GABRG3: variants seen among roughly 807,000 people sequenced by gnomAD.
The protein encoded by GABRG3 is gamma-aminobutyric acid receptor subunit gamma-3.
Under a neutral mutation model 48.8 loss-of-function variants are expected in GABRG3, and 25 were observed. That is an observed-to-expected ratio of 0.51 (90% CI 0.37 to 0.72). The LOEUF (loss-of-function observed/expected upper bound fraction) is 0.72. GABRG3 is among the 30% of genes least tolerant of loss of function. The probability of loss-of-function intolerance (pLI) is 0.00; values close to 1 mark genes in which losing one functional copy is unlikely to be tolerated. For synonymous variants in GABRG3, 227 were observed against 217.6 expected (o/e 1.04, Z -0.38); for missense variants, 394 against 577.9 (o/e 0.68, Z 3.26).
chr15:27,366,091 C>T (rs754704767), intron 5 of GABRG3: 1 of 152,114 alleles, frequency 6.6e-6, no homozygotes, highest in Non-Finnish European at 1.5e-5. Context: ...ATCTGTAGTT[C>T]GTGGAAACAA....
At chr15:27,046,800 G>A (rs533011119) in intron 3 of GABRG3, among the ~76,000 whole-genome samples, 52 of 152,266 alleles carry the variant, frequency 3.4e-4, no homozygotes, top group South Asian at 1.0e-3. Context: ...TCATTTTGCC[G>A]TTGTCTTTCA....
At position 27,126,841 on chromosome 15, in the gene GABRG3, A is replaced by G. The variant is rs142001348; in HGVS notation, c.270+100020A>G. On this transcript the variant is annotated intron_variant, in intron 3 of 9. Transcript: ENST00000615808. Reference sequence around the variant, plus strand: ...TGACCCAAAACCTGAAATATGCAGCATTGGCTTCAGGTGACAGCGATGGTG... The same window carrying G: ...TGACCCAAAACCTGAAATATGCAGCGTTGGCTTCAGGTGACAGCGATGGTG... Among the ~76,000 whole-genome samples the G allele has an allele frequency of 3.0e-4, 45 of 152,266 alleles. No individual in the cohort carries two copies. The East Asian group carries it at 6.6e-3, about 22-fold the overall frequency.
At chr15:26,993,074 A>G (rs1284578620) in intron 2 of GABRG3, among the ~76,000 whole-genome samples, 1 of 151,864 alleles carries the variant, frequency 6.6e-6, no homozygotes. Flanking sequence ...CTTCATTTCC[A>G]ATGTTACTTA....
chr15:27,249,306 C>G (rs367611479), intron 3 of GABRG3, among the ~76,000 whole-genome samples: 1 of 152,128 alleles, frequency 6.6e-6, no homozygotes, highest in African/African-American at 2.4e-5. Flanking sequence ...CTGGGCACAT[C>G]CCCTGTTCCT....
At chr15:27,415,981 C>G (rs866261672) in intron 5 of GABRG3, among the ~76,000 whole-genome samples, 4 of 152,164 alleles carry the variant, frequency 2.6e-5, no homozygotes, top group African/African-American at 4.8e-5. Flanking sequence ...ACCATACCCC[C>G]CCTCTTTCTA....
intron 3 of GABRG3, among the ~76,000 whole-genome samples, chr15:27,193,031 G>C (rs1888375668): frequency 6.6e-6 from 1 of 152,194 alleles, no homozygotes; most frequent in African/African-American, 2.4e-5. Context: ...CAGAACAGTG[G>C]TTTTTCGTGA....
intron 3 of GABRG3, among the ~76,000 whole-genome samples, chr15:27,054,309 G>T (rs1469264629): frequency 6.6e-6 from 1 of 152,056 alleles, no homozygotes; most frequent in Admixed American, 6.5e-5. Flanking sequence ...TGCCTGTTGG[G>T]TTCTGTGCTC....
rs1555382047 is a variant in GABRG3 at position 27,437,030 on chromosome 15, A to AGC, written c.575-43619_575-43618insCG. Among the ~76,000 whole-genome samples, 215 of 146,802 alleles carry AGC rather than the reference A, an allele frequency of 1.5e-3. 4 individuals are homozygous for AGC. The South Asian group carries it at 0.037, about 26-fold the overall frequency. ...GAGAGAGAGAGAGAGAGAGAGAGAG[A>AGC]GAGCGCCCACATTCTCATGAGGACA... On this transcript the variant is annotated intron_variant, in intron 5 of 9. Transcript: ENST00000615808.
intron 3 of GABRG3, among the ~76,000 whole-genome samples, chr15:27,213,244 C>CTTCA (rs1171887896): frequency 3.3e-5 from 5 of 152,214 alleles, no homozygotes; most frequent in African/African-American, 7.2e-5. Flanking sequence ...TAGTGAGAGG[C>CTTCA]TTCACATAAT....
chr15:27,021,518 C>T lies in GABRG3; in HGVS notation c.203-5236C>T, dbSNP rs72715932. ...CCACTACTGTATGTTAAGTTAATTT[C>T]CCTAAAAGACCCCAGACACTTACTC... On this transcript the variant is annotated intron_variant, in intron 2 of 9. Coordinates refer to ENST00000615808, the MANE Select transcript of GABRG3 (RefSeq NM_033223.5). Among the ~76,000 whole-genome samples, 1,050 of 152,244 alleles carry T rather than the reference C, an allele frequency of 6.9e-3. 6 individuals carry two copies. The highest frequency in any genetic ancestry group is 0.011 in the Non-Finnish European group (728 of 68,014).
intron 3 of GABRG3, among the ~76,000 whole-genome samples, chr15:27,292,084 A>G (rs1317921272): frequency 6.6e-6 from 1 of 152,190 alleles, no homozygotes; most frequent in Non-Finnish European, 1.5e-5. Context: ...GATGGTTTCC[A>G]GCTTCATCCA....
At chr15:27,397,784 C>A (rs1353998218) in intron 5 of GABRG3, among the ~76,000 whole-genome samples, 1 of 150,562 alleles carries the variant, frequency 6.6e-6, no homozygotes, top group East Asian at 2.0e-4. Context: ...AATTCCAAGG[C>A]ATTTTCTTCT....
chr15:27,218,737 G>A (rs142291139), intron 3 of GABRG3, among the ~76,000 whole-genome samples: 32 of 152,272 alleles, frequency 2.1e-4, no homozygotes, highest in Non-Finnish European at 4.3e-4. Flanking sequence ...ATGAGGTTTA[G>A]CATAGTGCTC....
chr15:27,034,444 A>T (rs1175253637), intron 3 of GABRG3, among the ~76,000 whole-genome samples: 1 of 152,232 alleles, frequency 6.6e-6, no homozygotes, highest in Non-Finnish European at 1.5e-5. Flanking sequence ...TGTGTGTTCA[A>T]GATTTGTTTC....
chr15:27,189,283 A>G (rs1483884610), intron 3 of GABRG3, among the ~76,000 whole-genome samples: 1 of 151,628 alleles, frequency 6.6e-6, no homozygotes, highest in Non-Finnish European at 1.5e-5. Context: ...TGGCAGCTTG[A>G]TGGGGATGGC....
At chr15:27,232,155 T>C (rs896745295) in intron 3 of GABRG3, among the ~76,000 whole-genome samples, 6 of 152,190 alleles carry the variant, frequency 3.9e-5, no homozygotes, top group African/African-American at 9.6e-5. Flanking sequence ...AATGGAAACA[T>C]TGACTTTTAT....
At chr15:27,017,678 T>C (rs1236028874) in intron 2 of GABRG3, among the ~76,000 whole-genome samples, 2 of 152,176 alleles carry the variant, frequency 1.3e-5, no homozygotes. Context: ...CTCTGGCACG[T>C]TGTGTGCCAA....
chr15:27,183,107 T>C (rs552261809), intron 3 of GABRG3, among the ~76,000 whole-genome samples: 4 of 152,302 alleles, frequency 2.6e-5, no homozygotes, highest in Non-Finnish European at 4.4e-5. Flanking sequence ...ATTTTACAGA[T>C]GACTTTTTTT....
intron 5 of GABRG3, among the ~76,000 whole-genome samples, chr15:27,378,751 TGAA>T (rs1250555858): frequency 6.6e-6 from 1 of 152,216 alleles, no homozygotes; most frequent in Non-Finnish European, 1.5e-5. Flanking sequence ...ACTGACTTTA[TGAA>T]AGAGATTTCA....
Sources: allele counts gnomAD v4.1 joint callset (sites outside exome capture counted in the v4.1 genomes callset), GRCh38; gene constraint gnomAD v4.1.1; transcripts MANE v1.5; gene names NCBI Gene and HGNC (gene_info 2026-07-23, HGNC 2026-07-21).